Variants in POFUT1 observed in about 807,000 individuals in gnomAD.
POFUT1 encodes GDP-fucose protein O-fucosyltransferase 1.
Under a neutral mutation model 42.4 loss-of-function variants are expected in POFUT1, and 16 were observed. That is an observed-to-expected ratio of 0.38 (90% CI 0.26 to 0.57). POFUT1 has a LOEUF of 0.57. Ranked by LOEUF, POFUT1 falls within the 20% of genes least tolerant of loss-of-function variation. The pLI is 0.71. For missense variants in POFUT1, 470 were observed against 504.6 expected, an observed-to-expected ratio of 0.93 and a Z score of 0.66; for synonymous variants, 206 against 205.4, an observed-to-expected ratio of 1.00 and a Z score of -0.03.
intron 6 of POFUT1, among the ~76,000 whole-genome samples, chr20:32,233,110 G>A (rs1004565975): frequency 6.6e-6 from 1 of 152,250 alleles, no homozygotes; most frequent in African/African-American, 2.4e-5. Context: ...GGCCTGGCCA[G>A]CAGTGGAGAG....
Position 32,230,963 on chromosome 20 carries a change from G to C in POFUT1, c.880G>C (p.Val294Leu). The change falls in exon 6 of 7, where the codon GTG becomes CTG. Residue 294 changes from valine (V) to leucine (L), a missense_variant. Coordinates refer to ENST00000375749, the MANE Select transcript of POFUT1 (RefSeq NM_015352.2). ...TGACCTGAAGGAGATCCAGAGGGCT[G>C]TGAAGCTCTGGGTGAGGTCGCTGGA... ...LPDLKEIQRA[V>L]KLWVRSLDAQ... 3 of 1,614,228 alleles carry C rather than the reference G, an allele frequency of 1.9e-6. No individual in the cohort carries two copies. In the South Asian group the frequency reaches 3.3e-5, roughly 18 times the overall value.
intron 4 of POFUT1, among the ~76,000 whole-genome samples, chr20:32,221,109 G>A (rs1344229155): frequency 6.6e-6 from 1 of 152,194 alleles, no homozygotes; most frequent in Non-Finnish European, 1.5e-5. Context: ...AGAGAGGTGG[G>A]CAGGGGTCAA....
intron 6 of POFUT1, among the ~76,000 whole-genome samples, chr20:32,233,613 G>T (rs533624355): frequency 6.6e-6 from 1 of 152,238 alleles, no homozygotes; most frequent in Non-Finnish European, 1.5e-5. Flanking sequence ...AGGAGAGGCA[G>T]TGAGGGGACC....
rs1220312761 is a variant in POFUT1, at chr20:32,234,859, G to A, written c.*198G>A. On this transcript the variant is annotated 3_prime_UTR_variant, in exon 7 of 7. Coordinates refer to ENST00000375749, the MANE Select transcript of POFUT1 (RefSeq NM_015352.2). ...AGGGCATAGGACTTGCAGGTTCCTA[G>A]GAGCAGGAGCATCTCCCATCGCACG... 2 of 511,194 alleles carry A rather than the reference G, an allele frequency of 3.9e-6. No homozygotes were observed. The highest frequency in any genetic ancestry group is 7.4e-5 in the Admixed American group (2 of 27,180). The allele number at this position is 511,194 out of a possible 1,614,324, so 31.7% of individuals were successfully genotyped here. A position where few individuals can be genotyped will look rare whatever the true frequency, so the allele number is the denominator to read the frequency against.
intron 5 of POFUT1, 100 bp downstream of exon 5, chr20:32,228,555 T>G (rs996365948): frequency 1.0e-6 from 1 of 986,184 alleles, no homozygotes; most frequent in Non-Finnish European, 1.5e-6. Context: ...AGAGCAGAGA[T>G]CTCTCACTTG....
chr20:32,216,820 T>C, intron 4 of POFUT1, 99 bp downstream of exon 4: 2 of 1,371,868 alleles, frequency 1.5e-6, no homozygotes, highest in Non-Finnish European at 2.0e-6. Flanking sequence ...CCAACTCTGA[T>C]GTATGAGACC....
chr20:32,222,714 A>C (rs1025177972), intron 4 of POFUT1: 3 of 985,400 alleles, frequency 3.0e-6, no homozygotes, highest in Non-Finnish European at 3.6e-6. Context: ...ATTTCTGAGG[A>C]TCCTTCCAGC....
At chr20:32,217,045 A>G in intron 4 of POFUT1, 3 of 1,614,008 alleles carry the variant, frequency 1.9e-6, no homozygotes, top group Non-Finnish European at 2.5e-6. Context: ...ACTCTTCCCA[A>G]GGTGAAACTG....
chr20:32,217,613 G>A (rs2047369088), intron 4 of POFUT1: 3 of 985,708 alleles, frequency 3.0e-6, no homozygotes, highest in Non-Finnish European at 3.6e-6. Flanking sequence ...GCCTGTCTCA[G>A]CAAAACAAAA....
chr20:32,237,642 T>G lies in POFUT1; in HGVS notation c.*2981T>G. 1 of 331,102 alleles carries G rather than the reference T, an allele frequency of 3.0e-6. No individual in the cohort carries two copies. Among genetic ancestry groups the G allele is most frequent in the Middle Eastern group, 4.5e-4 (1 of 2,212 alleles). 20.5% of individuals were successfully genotyped at this position (331,102 alleles called of 1,614,324 possible). On this transcript the variant is annotated 3_prime_UTR_variant, in exon 7 of 7. Coordinates refer to ENST00000375749, the MANE Select transcript of POFUT1 (RefSeq NM_015352.2). ...GGCAGGAAGCTTTTAGTTGGAGAGA[T>G]ACAGGAAGCCTCCTAGGGTTCTGAG... is the stretch of plus-strand genomic sequence containing the variant.
At position 32,238,335 on chromosome 20, in the gene POFUT1, G is replaced by A. The variant is rs1008650849; in HGVS notation, c.*3674G>A. 4 of 154,002 alleles carry A rather than the reference G, an allele frequency of 2.6e-5. No individual in the cohort carries two copies. Among genetic ancestry groups the A allele is most frequent in the Non-Finnish European group, 4.3e-5 (3 of 69,152 alleles). 9.5% of individuals were successfully genotyped at this position (154,002 alleles called of 1,614,324 possible). A position where few individuals can be genotyped will look rare whatever the true frequency, so the allele number is the denominator to read the frequency against. On this transcript the variant is annotated 3_prime_UTR_variant, in exon 7 of 7. Coordinates refer to ENST00000375749, the MANE Select transcript of POFUT1 (RefSeq NM_015352.2). ...GAATGGCTTGAACCTGGGAGGTGGAGGTTGCAGTGAGCCGAGATGGTGCCA... is the reference window on the plus strand; with the variant it reads ...GAATGGCTTGAACCTGGGAGGTGGAAGTTGCAGTGAGCCGAGATGGTGCCA...
intron 1 of POFUT1, 49 bp from the exon 2 acceptor site, chr20:32,210,022 T>G: frequency 6.2e-7 from 1 of 1,612,660 alleles, no homozygotes; most frequent in Non-Finnish European, 8.5e-7. Context: ...GCATGCTCTA[T>G]GCCCTCCATG....
chr20:32,217,422 G>T (rs945465363), intron 4 of POFUT1: 6 of 1,018,176 alleles, frequency 5.9e-6, no homozygotes, highest in Non-Finnish European at 7.1e-6. Context: ...TAATTCATGT[G>T]CGGTCAAAGC....
chr20:32,231,003 A>G lies in POFUT1; in HGVS notation c.920A>G (p.Tyr307Cys), dbSNP rs1303956101. 4 of 1,614,186 alleles carry G rather than the reference A, an allele frequency of 2.5e-6. No individual in the cohort carries two copies. The highest frequency in any genetic ancestry group is 2.7e-5 in the African/African-American group (2 of 75,052). ...AGGTCGCTGGATGCCCAGTCGGTCT[A>G]CGTTGCTACTGATTCCGAGAGTTAT... ...WVRSLDAQSV[Y>C]VATDSESYVP... The change falls in exon 6 of 7, where the codon TAC (tyrosine) becomes TGC (cysteine). Residue 307 changes from tyrosine to cysteine, a missense_variant. Tyr to Cys is a radical substitution (Grantham distance 194). Transcript: ENST00000375749.
chr20:32,233,779 C>T (rs1354451252), intron 6 of POFUT1, among the ~76,000 whole-genome samples: 2 of 152,188 alleles, frequency 1.3e-5, no homozygotes, highest in African/African-American at 4.8e-5. Context: ...GAGATGGAGG[C>T]ATCCAGCCCA....
intron 4 of POFUT1, among the ~76,000 whole-genome samples, chr20:32,226,921 T>C (rs2047417433): frequency 2.0e-5 from 3 of 152,206 alleles, no homozygotes; most frequent in Non-Finnish European, 4.4e-5. Flanking sequence ...GTGTATAGGC[T>C]TGTGTGAACA....
At chr20:32,211,640 C>T (rs73235294) in intron 2 of POFUT1, among the ~76,000 whole-genome samples, 8,045 of 152,264 alleles carry the variant, frequency 0.053, 778 homozygotes, top group African/African-American at 0.18. Flanking sequence ...TGTCTCCTTG[C>T]CTTCTCAGCC....
intron 2 of POFUT1, 24 bp downstream of exon 2, chr20:32,210,216 GCCTTTCTCCGC>G: frequency 6.2e-7 from 1 of 1,613,606 alleles, no homozygotes; most frequent in Non-Finnish European, 8.5e-7. Context: ...ACTGACCTTG[GCCTTTCTCCGC>G]CCTTTCTCAG....
chr20:32,226,056 C>T (rs1166548339), intron 4 of POFUT1, among the ~76,000 whole-genome samples: 1 of 152,152 alleles, frequency 6.6e-6, no homozygotes, highest in African/African-American at 2.4e-5. Context: ...ACACATTACC[C>T]TCTGGGAAGG....
Sources: allele counts gnomAD v4.1 joint callset (sites outside exome capture counted in the v4.1 genomes callset), GRCh38; gene constraint gnomAD v4.1.1; transcripts MANE v1.5; gene names NCBI Gene and HGNC (gene_info 2026-07-23, HGNC 2026-07-21).